The following ZGPAT variants were observed in gnomAD, a reference collection of about 807,000 sequenced individuals.
ZGPAT encodes the protein zinc finger CCCH-type and G-patch domain containing, also known as zinc finger CCCH-type with G patch domain-containing protein.
Under a neutral mutation model 47.9 loss-of-function variants are expected in ZGPAT, and 39 were observed. The observed-to-expected ratio is 0.81, with a 90% confidence interval of 0.63 to 1.06. The LOEUF is 1.06. ZGPAT is among the 50% of genes least tolerant of loss of function. The pLI, the probability that ZGPAT is intolerant of heterozygous loss-of-function variation, is 0.00. For synonymous variants in ZGPAT, 348 were observed against 292.9 expected, an observed-to-expected ratio of 1.19 and a Z score of -1.92; for missense variants, 717 against 681.4, an observed-to-expected ratio of 1.05 and a Z score of -0.58.
At chr20:63,723,366 C>T (rs36068508) in intron 2 of ZGPAT, among the ~76,000 whole-genome samples, 3 of 102,460 alleles carry the variant, frequency 2.9e-5, no homozygotes, top group Admixed American at 9.6e-5. Context: ...TCCTATGACA[C>T]AGCTCCATCC....
rs1255663369 is a variant in ZGPAT at position 63,730,920 on chromosome 20, CA to C, written c.585-2298del. Among the ~76,000 whole-genome samples, 38 of 102,754 alleles carry C rather than the reference CA, an allele frequency of 3.7e-4. 1 individual carries two copies. Among genetic ancestry groups the C allele is most frequent in the African/African-American group, 1.3e-3 (32 of 24,852 alleles). 67.4% of individuals were successfully genotyped at this position (102,754 alleles called of 152,430 possible). A position where few individuals can be genotyped will look rare whatever the true frequency, so the allele number is the denominator to read the frequency against. On this transcript the variant is annotated intron_variant, in intron 2 of 6. Coordinates refer to ENST00000355969, the MANE Select transcript of ZGPAT (RefSeq NM_181485.3). The stretch of plus-strand genomic sequence containing the variant: ...TCTGTCTGTCCCCACATTTCCTCTT[CA>C]TTCTCTCTCTCTCTCTCTCTCTCTC...
intron 2 of ZGPAT, among the ~76,000 whole-genome samples, chr20:63,722,034 A>G (rs1029669079): frequency 1.0e-4 from 14 of 135,500 alleles, no homozygotes; most frequent in African/African-American, 4.0e-4. Context: ...AAAAAAAAAA[A>G]TGCCATCAAC....
rs2091839572 is a variant in ZGPAT, at chr20:63,725,809, T to C, written c.585-7410T>C. Reference sequence around the variant, plus strand: ...CCTTTTTTCTCCTTATTCCTCAAACTGGATTATTTATTTATTTATTTATTT... The same window carrying C: ...CCTTTTTTCTCCTTATTCCTCAAACCGGATTATTTATTTATTTATTTATTT... On this transcript the variant is annotated intron_variant, in intron 2 of 6. Transcript: ENST00000355969. Among the ~76,000 whole-genome samples the C allele has an allele frequency of 2.7e-5, 4 of 150,672 alleles. No individual in the cohort carries two copies. In the South Asian group the frequency reaches 8.4e-4, roughly 32 times the overall value.
At position 63,734,819 on chromosome 20, in the gene ZGPAT, G is replaced by T; in HGVS notation, c.986G>T (p.Gly329Val). Residue 329 changes from glycine (G) to valine (V), a missense_variant, in exon 5 of 7, where the codon GGC becomes GTC. Coordinates refer to ENST00000355969, the MANE Select transcript of ZGPAT (RefSeq NM_181485.3). ...RLLTKMGYEF[G>V]KGLGRHAEGR... ...CTCACCAAGATGGGCTATGAGTTTG[G>T]CAAGGGTGAGTACAAGCTGCCCTGG... is the stretch of plus-strand genomic sequence containing the variant. The T allele has an allele frequency of 6.3e-7, 1 of 1,594,104 alleles. No homozygotes were observed. The highest frequency in any genetic ancestry group is 8.6e-7 in the Non-Finnish European group (1 of 1,169,388).
intron 2 of ZGPAT, among the ~76,000 whole-genome samples, chr20:63,719,319 A>G (rs1237803024): frequency 6.6e-6 from 1 of 152,138 alleles, no homozygotes; most frequent in African/African-American, 2.4e-5. Context: ...AAATTTGCAA[A>G]GTTTCAGCTA....
intron 2 of ZGPAT, among the ~76,000 whole-genome samples, chr20:63,723,620 G>C (rs895244915): frequency 2.0e-5 from 3 of 149,738 alleles, no homozygotes; most frequent in Non-Finnish European, 4.4e-5. Flanking sequence ...CTCTGACATA[G>C]TTCCATCCTC....
upstream of ZGPAT, chr20:63,707,989 G>C (rs539536642): frequency 6.6e-6 from 1 of 152,120 alleles, no homozygotes; most frequent in African/African-American, 2.4e-5. Context: ...GCTGAACCGC[G>C]TCCCAGCGGC....
chr20:63,723,562 T>C (rs1349232174), intron 2 of ZGPAT, among the ~76,000 whole-genome samples: 66 of 78,846 alleles, frequency 8.4e-4, no homozygotes, highest in Admixed American at 1.1e-3. Context: ...TCCTCTGACA[T>C]AGCTCCATCC....
intron 2 of ZGPAT, among the ~76,000 whole-genome samples, chr20:63,732,355 T>TGTGCGC (rs2091917264): frequency 3.5e-5 from 5 of 143,894 alleles, no homozygotes; most frequent in South Asian, 2.2e-4. Context: ...GGTGTGTGTG[T>TGTGCGC]GCATGTGTCA....
intron 2 of ZGPAT, among the ~76,000 whole-genome samples, chr20:63,729,776 A>G (rs2091878439): frequency 6.6e-6 from 1 of 152,118 alleles, no homozygotes; most frequent in South Asian, 2.1e-4. Context: ...CTCCTTAAAA[A>G]TCATGTCACT....
At chr20:63,724,401 T>G (rs1382427002) in intron 2 of ZGPAT, among the ~76,000 whole-genome samples, 2 of 147,844 alleles carry the variant, frequency 1.4e-5, no homozygotes, top group Non-Finnish European at 3.0e-5. Flanking sequence ...GAAATTAAGA[T>G]CTGGACACTG....
At chr20:63,715,238 CTT>C (rs2091714466) in intron 2 of ZGPAT, among the ~76,000 whole-genome samples, 1 of 140,944 alleles carries the variant, frequency 7.1e-6, no homozygotes, top group Non-Finnish European at 1.5e-5. Context: ...TATCTTTTTT[CTT>C]TTTCTTTTTT....
intron 2 of ZGPAT, among the ~76,000 whole-genome samples, chr20:63,710,351 A>G (rs977749585): frequency 3.3e-5 from 5 of 149,916 alleles, no homozygotes; most frequent in African/African-American, 7.4e-5. Flanking sequence ...TCGGAGATTC[A>G]CCATCTTGGC....
At chr20:63,711,529 TC>T (rs2091667801) in intron 2 of ZGPAT, among the ~76,000 whole-genome samples, 1 of 151,882 alleles carries the variant, frequency 6.6e-6, no homozygotes, top group African/African-American at 2.4e-5. Flanking sequence ...TCTGAAAGCT[TC>T]CGGAGCATCT....
Position 63,708,925 on chromosome 20 carries a change from A to G in ZGPAT, c.345A>G (p.Ala115=), listed in dbSNP as rs772053208. Residue 115 remains alanine (A), a synonymous_variant, in exon 2 of 7, where the codon GCA becomes GCG. Coordinates refer to ENST00000355969, the MANE Select transcript of ZGPAT (RefSeq NM_181485.3). ...CAGAGGCGGGGCCAGAATCTGCGGC[A>G]GGTGGGCAGGAGGAGGAAGAGGGAG... ...PKAEAGPESA[A]GGQEEEEGED... 1.2e-6 allele frequency: 2 copies of G among 1,612,606 alleles called. No individual in the cohort carries two copies. Among genetic ancestry groups the G allele is most frequent in the Non-Finnish European group, 1.7e-6 (2 of 1,179,814 alleles).
intron 2 of ZGPAT, among the ~76,000 whole-genome samples, chr20:63,726,744 C>G (rs186346326): frequency 6.6e-6 from 1 of 152,206 alleles, no homozygotes; most frequent in Admixed American, 6.5e-5. Flanking sequence ...CCAGGCTGGT[C>G]TTGAACTCCT....
At chr20:63,719,038 C>T (rs2091760698) in intron 2 of ZGPAT, among the ~76,000 whole-genome samples, 1 of 148,482 alleles carries the variant, frequency 6.7e-6, no homozygotes, top group African/African-American at 2.5e-5. Context: ...TGTACTCCAG[C>T]CTGGGCAACA....
intron 4 of ZGPAT, 35 bp from the exon 5 acceptor site, chr20:63,734,670 T>C: frequency 1.9e-6 from 3 of 1,610,370 alleles, no homozygotes; most frequent in Non-Finnish European, 2.5e-6. Flanking sequence ...CCGTGGACTC[T>C]GCACAGTCCT....
intron 2 of ZGPAT, among the ~76,000 whole-genome samples, chr20:63,711,916 C>T (rs1191580164): frequency 6.6e-6 from 1 of 152,126 alleles, no homozygotes; most frequent in Non-Finnish European, 1.5e-5. Flanking sequence ...GGATATCATC[C>T]CTTATGAAGT....
Sources: gnomAD v4.1 joint callset for allele counts (sites outside exome capture counted in the v4.1 genomes callset) on GRCh38, gnomAD v4.1.1 for gene constraint, MANE v1.5 for transcripts, NCBI Gene and HGNC (gene_info 2026-07-23, HGNC 2026-07-21) for gene names.